Variants in ZPBP observed in about 807,000 individuals in gnomAD.
ZPBP encodes the protein zona pellucida-binding protein 1.
ZPBP carries 26 observed loss-of-function variants against 44.8 expected under a neutral mutation model. The ratio of observed to expected loss-of-function variants is 0.58; its 90% CI spans 0.43 to 0.81. The LOEUF is 0.81. Among genes scored for constraint, ZPBP ranks in the 30% least tolerant of loss-of-function variants. The pLI is 0.00. For synonymous variants in ZPBP, 174 were observed against 153.2 expected, an observed-to-expected ratio of 1.14 and a Z score of -1.00; for missense variants, 409 against 434.0, an observed-to-expected ratio of 0.94 and a Z score of 0.51.
chr7:49,892,412 C>T (rs958835871), intron 2 of ZPBP, among the ~76,000 whole-genome samples: 3 of 152,132 alleles, frequency 2.0e-5, no homozygotes, highest in African/African-American at 7.2e-5. Flanking sequence ...GCTACTTCGA[C>T]AATGTGAATA....
intron 6 of ZPBP, among the ~76,000 whole-genome samples, chr7:50,000,158 C>T (rs1798031416): frequency 6.6e-6 from 1 of 151,852 alleles, no homozygotes; most frequent in South Asian, 2.1e-4. Context: ...TAAAAGTAGT[C>T]AAAAATGAGG....
intron 2 of ZPBP, among the ~76,000 whole-genome samples, chr7:49,853,732 T>A (rs1440138597): frequency 6.6e-6 from 1 of 152,202 alleles, no homozygotes; most frequent in Non-Finnish European, 1.5e-5. Flanking sequence ...TTTTTTATTA[T>A]ACTTTAAGTT....
intron 7 of ZPBP, among the ~76,000 whole-genome samples, chr7:49,981,414 A>AAT (rs1562819600): frequency 8.9e-5 from 3 of 33,550 alleles, no homozygotes; most frequent in African/African-American, 2.2e-4. Context: ...AAATATATAT[A>AAT]ATATATAATA....
chr7:50,059,087 A>G (rs904542509), intron 3 of ZPBP, among the ~76,000 whole-genome samples: 5 of 152,242 alleles, frequency 3.3e-5, no homozygotes, highest in African/African-American at 1.2e-4. Context: ...CACAGTTTTT[A>G]ATTAGAAAAA....
intron 2 of ZPBP, 55 bp from the exon 3 acceptor site, chr7:50,081,954 C>T: frequency 1.3e-6 from 2 of 1,583,054 alleles, no homozygotes; most frequent in Non-Finnish European, 1.7e-6. Context: ...TTTTCTTTCT[C>T]TATAATGTAC....
In ZPBP at chr7:49,982,107, T is replaced by C. The variant is rs867577208; in HGVS notation, c.961+1235A>G. On this transcript the variant is annotated intron_variant, in intron 7 of 7. Transcript: ENST00000046087. ...TTATATGAATTATATAATTATATAA[T>C]TATAAATATTTATATATTAATATAA... is the stretch of plus-strand genomic sequence containing the variant. Among the ~76,000 whole-genome samples the C allele has an allele frequency of 3.0e-5, 3 of 99,182 alleles. 1 individual carries two copies. The highest frequency in any genetic ancestry group is 5.5e-5 in the Non-Finnish European group (3 of 54,754). 65.1% of individuals were successfully genotyped at this position (99,182 alleles called of 152,430 possible).
intron 7 of ZPBP, among the ~76,000 whole-genome samples, chr7:49,976,929 C>G (rs760233394): frequency 6.6e-6 from 1 of 151,744 alleles, no homozygotes; most frequent in Non-Finnish European, 1.5e-5. Flanking sequence ...GGTGAAACCC[C>G]GTCCCTACTA....
Position 49,883,119 on chromosome 7 carries a change from T to C in ZPBP, n.509+17999A>G, listed in dbSNP as rs549400724. ...CCAGAGATTTCCCAAAAGAAACAAC[T>C]TTGAGGGGAAATGAGGAGGAAGGCG... On this transcript the variant is annotated intron_variant and non_coding_transcript_variant, in intron 2 of 2. Transcript: ENST00000465922. Among the ~76,000 whole-genome samples, 4 of 152,026 alleles carry C rather than the reference T, an allele frequency of 2.6e-5. No individual in the cohort carries two copies. The East Asian group carries it at 7.7e-4, about 29-fold the overall frequency.
At chr7:49,978,727 T>C (rs116167442) in intron 7 of ZPBP, among the ~76,000 whole-genome samples, 4,762 of 152,130 alleles carry the variant, frequency 0.031, 220 homozygotes, top group African/African-American at 0.11. Context: ...TTTACTATGT[T>C]AATTTTGTCT....
intron 4 of ZPBP, among the ~76,000 whole-genome samples, chr7:50,051,578 G>T (rs1800699740): frequency 6.6e-6 from 1 of 152,146 alleles, no homozygotes; most frequent in African/African-American, 2.4e-5. Flanking sequence ...ATCAGTGATA[G>T]ACTGGATAAA....
intron 2 of ZPBP, among the ~76,000 whole-genome samples, chr7:49,881,485 C>T (rs1016228147): frequency 5.3e-5 from 8 of 152,146 alleles, no homozygotes; most frequent in African/African-American, 1.9e-4. Context: ...TACCCATGCA[C>T]AAAACGTCCT....
chr7:50,024,035 A>AAGG (rs970611596), intron 5 of ZPBP, among the ~76,000 whole-genome samples: 3 of 152,086 alleles, frequency 2.0e-5, no homozygotes, highest in African/African-American at 7.2e-5. Flanking sequence ...GTAATGCCAG[A>AAGG]AGGAGAAGAA....
At chr7:49,919,151 C>G (rs1793888545) in intron 1 of ZPBP, 1 of 151,972 alleles carries the variant, frequency 6.6e-6, no homozygotes, top group African/African-American at 2.4e-5. Flanking sequence ...ATGGATAGCT[C>G]TACCTGCTTC....
intron 5 of ZPBP, among the ~76,000 whole-genome samples, chr7:50,020,184 G>A (rs1358042317): frequency 2.6e-5 from 4 of 152,008 alleles, no homozygotes; most frequent in African/African-American, 7.2e-5. Flanking sequence ...TTCAGAAGGT[G>A]GCAGACCTGA....
the ZPBP span, among the ~76,000 whole-genome samples, chr7:49,841,309 CT>C: frequency 0.52 from 75,307 of 145,682 alleles, 19,094 homozygotes; most frequent in East Asian, 0.72. Flanking sequence ...TTACACATTA[CT>C]TTTTTTTTTT....
In ZPBP at chr7:49,929,413, G is replaced by A. The variant is rs1794371791; in HGVS notation, n.411+6338C>T. ...AAATCTGGCCGATGACAGCCTGTGA[G>A]TGTCTTAGGCCTCTGACTTCTCAAA... is the stretch of plus-strand genomic sequence containing the variant. On this transcript the variant is annotated intron_variant and non_coding_transcript_variant, in intron 1 of 2. Transcript: ENST00000465922. 2.6e-5 allele frequency among the ~76,000 whole-genome samples: 4 copies of A among 152,184 alleles called. No homozygotes were observed. In the South Asian group the frequency reaches 8.3e-4, roughly 31 times the overall value.
At chr7:49,957,954 C>G (rs1341874942) in intron 7 of ZPBP, among the ~76,000 whole-genome samples, 6 of 152,222 alleles carry the variant, frequency 3.9e-5, no homozygotes, top group Admixed American at 3.3e-4. Flanking sequence ...ACAACCCCCA[C>G]CCCAGTGTGC....
intron 2 of ZPBP, among the ~76,000 whole-genome samples, chr7:49,859,142 T>C (rs899080945): frequency 6.6e-6 from 1 of 152,222 alleles, no homozygotes; most frequent in Non-Finnish European, 1.5e-5. Context: ...GGCATGTGTG[T>C]CTTCAACGTT....
intron 4 of ZPBP, among the ~76,000 whole-genome samples, chr7:50,054,391 A>T (rs1316336388): frequency 6.6e-6 from 1 of 152,198 alleles, no homozygotes; most frequent in Non-Finnish European, 1.5e-5. Context: ...TAAGAAAAAG[A>T]CAAACTATGC....
Sources: allele counts gnomAD v4.1 joint callset (sites outside exome capture counted in the v4.1 genomes callset), GRCh38; gene constraint gnomAD v4.1.1; transcripts MANE v1.5; gene names NCBI Gene and HGNC (gene_info 2026-07-23, HGNC 2026-07-21).